Variants in XIRP2 observed in about 807,000 individuals in gnomAD.
The protein encoded by XIRP2 is xin actin-binding repeat-containing protein 2.
A neutral mutation model predicts 277.0 loss-of-function variants in XIRP2; 236 were observed. That is an observed-to-expected ratio of 0.85 (90% CI 0.77 to 0.95). The LOEUF (loss-of-function observed/expected upper bound fraction) is 0.95, where lower values mean the gene tolerates loss of function less well. Among genes scored for constraint, XIRP2 ranks in the 40% least tolerant of loss-of-function variants. The pLI is 0.00. For synonymous variants in XIRP2, 1,490 were observed against 1,416.5 expected, an observed-to-expected ratio of 1.05 and a Z score of -1.17; for missense variants, 4,640 against 4,157.5, an observed-to-expected ratio of 1.12 and a Z score of -3.19.
intron 2 of XIRP2, among the ~76,000 whole-genome samples, chr2:167,113,670 T>C (rs1690821095): frequency 6.6e-6 from 1 of 152,248 alleles, no homozygotes; most frequent in African/African-American, 2.4e-5. Context: ...ATGTGTGATT[T>C]GATCCTGTCA....
chr2:167,039,457 T>C (rs142030495), intron 2 of XIRP2, among the ~76,000 whole-genome samples: 110 of 152,296 alleles, frequency 7.2e-4, no homozygotes, highest in African/African-American at 2.5e-3. Flanking sequence ...GAAACAATTT[T>C]GAGGCAGGTC....
Position 167,257,990 on chromosome 2 carries a change from C to T in XIRP2, c.*173C>T. 1 of 1,613,000 alleles carries T rather than the reference C, an allele frequency of 6.2e-7. No individual in the cohort carries two copies. Among genetic ancestry groups the T allele is most frequent in the Non-Finnish European group, 8.5e-7 (1 of 1,179,410 alleles). On this transcript the variant is annotated 3_prime_UTR_variant, in exon 11 of 11. Coordinates refer to ENST00000409195, the MANE Select transcript of XIRP2 (RefSeq NM_152381.6). Reference sequence around the variant, plus strand: ...TAAAGATAGATGGAACTGCAAAAACCAAAGCAGATCAGTGGACTTTATTCC... The same window carrying T: ...TAAAGATAGATGGAACTGCAAAAACTAAAGCAGATCAGTGGACTTTATTCC...
chr2:167,141,240 T>G lies in XIRP2; in HGVS notation c.562+5178T>G, dbSNP rs929301161. 2.6e-5 allele frequency among the ~76,000 whole-genome samples: 4 copies of G among 152,218 alleles called. No homozygotes were observed. The East Asian group carries it at 7.7e-4, about 29-fold the overall frequency. On this transcript the variant is annotated intron_variant, in intron 3 of 10. Coordinates refer to ENST00000409195, the MANE Select transcript of XIRP2 (RefSeq NM_152381.6). ...TAGAATGTCAGAAATGTGTACATAT[T>G]TCTACCAAATATTTTTGATGTGCTG...
chr2:167,029,330 T>G (rs934029911), intron 2 of XIRP2, among the ~76,000 whole-genome samples: 1 of 152,140 alleles, frequency 6.6e-6, no homozygotes, highest in Non-Finnish European at 1.5e-5. Context: ...AGTATGATAT[T>G]GGCTGTGAGT....
chr2:167,020,344 A>G (rs968658853), intron 2 of XIRP2, among the ~76,000 whole-genome samples: 1 of 152,018 alleles, frequency 6.6e-6, no homozygotes, highest in African/African-American at 2.4e-5. Flanking sequence ...AGTGAAACAA[A>G]TAATGACTAA....
rs987138681 is a variant in XIRP2 at position 167,249,335 on chromosome 2, C to T, written c.7943C>T (p.Ala2648Val). 1 of 1,613,712 alleles carries T rather than the reference C, an allele frequency of 6.2e-7. No homozygotes were observed. The highest frequency in any genetic ancestry group is 2.2e-5 in the East Asian group (1 of 44,840). The change falls in exon 9 of 11, where the codon GCT (alanine) becomes GTT (valine). Residue 2648 changes from alanine to valine, a missense_variant. Coordinates refer to ENST00000409195, the MANE Select transcript of XIRP2 (RefSeq NM_152381.6). ...AAGAGGCTCCACCATGTTTTAGCAG[C>T]TTCAGAAGACAAAGATAAGATGAAA... is the stretch of plus-strand genomic sequence containing the variant. ...AAKRLHHVLA[A>V]SEDKDKMKKE...
chr2:167,057,571 A>G (rs561227752), intron 2 of XIRP2, among the ~76,000 whole-genome samples: 1 of 152,306 alleles, frequency 6.6e-6, no homozygotes, highest in East Asian at 1.9e-4. Context: ...TTTTTGACTT[A>G]TTGTAAGGCT....
In XIRP2 at chr2:167,250,586, A is replaced by G; in HGVS notation, c.9194A>G (p.Lys3065Arg). The change falls in exon 9 of 11, where the codon AAA becomes AGA. Residue 3065 changes from lysine (K) to arginine (R), a missense_variant. Transcript: ENST00000409195. ...KVSNVHVSNNKNSEQKENKIA... is the reference protein window; with the variant it reads ...KVSNVHVSNNRNSEQKENKIA... ...TCTAATGTTCATGTCAGCAATAATA[A>G]AAATAGTGAACAGAAAGAAAATAAA... is the stretch of plus-strand genomic sequence containing the variant. 6.2e-7 allele frequency: 1 copy of G among 1,613,584 alleles called. No homozygotes were observed. The highest frequency in any genetic ancestry group is 8.5e-7 in the Non-Finnish European group (1 of 1,179,724).
intron 2 of XIRP2, among the ~76,000 whole-genome samples, chr2:167,081,162 A>G (rs1003321728): frequency 2.6e-5 from 4 of 152,122 alleles, no homozygotes; most frequent in Non-Finnish European, 5.9e-5. Context: ...ATTCCTTCCA[A>G]TGGAAAGGAA....
intron 5 of XIRP2, among the ~76,000 whole-genome samples, chr2:167,228,401 G>C (rs954135256): frequency 1.3e-5 from 2 of 152,106 alleles, no homozygotes; most frequent in Non-Finnish European, 2.9e-5. Flanking sequence ...AACATGGTAG[G>C]CCATTCCAGT....
intron 2 of XIRP2, among the ~76,000 whole-genome samples, chr2:167,115,168 T>G (rs990651409): frequency 9.9e-5 from 15 of 152,164 alleles, no homozygotes; most frequent in Admixed American, 7.2e-4. Flanking sequence ...CTCACTGTGG[T>G]TTTGCAATTC....
At chr2:167,046,202 T>C (rs554744371) in intron 2 of XIRP2, among the ~76,000 whole-genome samples, 1 of 152,184 alleles carries the variant, frequency 6.6e-6, no homozygotes, top group South Asian at 2.1e-4. Flanking sequence ...TTTTTGTACA[T>C]TGATTTTGTA....
intron 5 of XIRP2, among the ~76,000 whole-genome samples, chr2:167,225,338 C>T (rs980089099): frequency 1.3e-5 from 2 of 151,870 alleles, no homozygotes; most frequent in African/African-American, 4.8e-5. Flanking sequence ...TCAATGCTTA[C>T]AAGTGTGAGT....
At chr2:166,939,428 C>A (rs982040439) in intron 2 of XIRP2, among the ~76,000 whole-genome samples, 2 of 151,962 alleles carry the variant, frequency 1.3e-5, no homozygotes, top group East Asian at 1.9e-4. Context: ...AGCCTGTAAT[C>A]CCAGCACTTT....
intron 2 of XIRP2, among the ~76,000 whole-genome samples, chr2:167,106,163 A>G (rs960510573): frequency 1.3e-5 from 2 of 151,678 alleles, no homozygotes; most frequent in Admixed American, 1.3e-4. Context: ...CCTGACTAAA[A>G]GTTTTTAATA....
intron 2 of XIRP2, among the ~76,000 whole-genome samples, chr2:167,058,159 C>T (rs145167775): frequency 0.078 from 11,897 of 151,614 alleles, 840 homozygotes; most frequent in African/African-American, 0.18. Context: ...ACCTCCCTGG[C>T]TCAAGTGATC....
intron 3 of XIRP2, among the ~76,000 whole-genome samples, chr2:167,152,790 C>T (rs1345660431): frequency 6.6e-6 from 1 of 151,998 alleles, no homozygotes; most frequent in African/African-American, 2.4e-5. Flanking sequence ...CTACTTTTAA[C>T]CCCCCAACTC....
chr2:166,895,235 A>G (rs2105328753), intron 1 of XIRP2, among the ~76,000 whole-genome samples: 1 of 152,278 alleles, frequency 6.6e-6, no homozygotes, highest in East Asian at 1.9e-4. Context: ...ATTTTTATTA[A>G]AATGTCCACA....
At chr2:167,217,829 A>G (rs928830409) in intron 4 of XIRP2, among the ~76,000 whole-genome samples, 3 of 152,168 alleles carry the variant, frequency 2.0e-5, no homozygotes, top group Non-Finnish European at 4.4e-5. Flanking sequence ...TGAGTCCATT[A>G]TTCTTATACC....
Sources: allele counts gnomAD v4.1 joint callset (sites outside exome capture counted in the v4.1 genomes callset), GRCh38; gene constraint gnomAD v4.1.1; transcripts MANE v1.5; gene names NCBI Gene and HGNC (gene_info 2026-07-23, HGNC 2026-07-21).